RP1: variants seen among roughly 807,000 people sequenced by gnomAD.
RP1 encodes the protein oxygen-regulated protein 1.
A neutral mutation model predicts 14.8 loss-of-function variants in RP1; 16 were observed. The ratio of observed to expected loss-of-function variants is 1.08; its 90% CI spans 0.73 to 1.65. RP1 has a LOEUF of 1.65. Among genes scored for constraint, RP1 ranks in the 40% most tolerant of loss-of-function variants. The pLI is 0.00. For missense variants in RP1, 2,631 were observed against 2,535.0 expected (o/e 1.04, Z -0.81); for synonymous variants, 876 against 883.6 (o/e 0.99, Z 0.15).
In RP1 at chr8:54,758,838, G is replaced by A. The variant is rs1044029945; in HGVS notation, c.3094-84G>A. On this transcript the variant is annotated intron_variant, in intron 21 of 22. Transcript: ENST00000636932. Reference sequence around the variant, plus strand: ...AAGTATTGTGCTGCTTCTGGCAGTCGTTTAACTATTATTATTGCCTGCATT... The same window carrying A: ...AAGTATTGTGCTGCTTCTGGCAGTCATTTAACTATTATTATTGCCTGCATT... 5 of 1,391,714 alleles carry A rather than the reference G, an allele frequency of 3.6e-6. No homozygotes were observed. The East Asian group carries it at 7.5e-5, about 21-fold the overall frequency. 86.2% of individuals were successfully genotyped at this position (1,391,714 alleles called of 1,614,324 possible).
intron 15 of RP1, among the ~76,000 whole-genome samples, chr8:54,713,419 T>C (rs1454281183): frequency 6.6e-6 from 1 of 152,088 alleles, no homozygotes; most frequent in East Asian, 1.9e-4. Context: ...AAAAAAGATG[T>C]AGGAATTGTA....
chr8:54,794,461 G>A (rs1810536557), intron 24 of RP1, among the ~76,000 whole-genome samples: 1 of 151,900 alleles, frequency 6.6e-6, no homozygotes, highest in Admixed American at 6.6e-5. Context: ...GTCAATATTT[G>A]ACAAGGGCAC....
chr8:54,591,516 G>C (rs16920564), intron 1 of RP1, among the ~76,000 whole-genome samples: 30,495 of 151,938 alleles, frequency 0.2, 3,529 homozygotes, highest in East Asian at 0.36. Flanking sequence ...AAACTGAGTG[G>C]CCTTATCACC....
At chr8:54,807,675 T>TCTATC (rs1810889429) in intron 24 of RP1, among the ~76,000 whole-genome samples, 5 of 113,646 alleles carry the variant, frequency 4.4e-5, no homozygotes, top group African/African-American at 1.5e-4. Context: ...TCTATCTATC[T>TCTATC]ATTTATCTAT....
At chr8:54,578,102 C>G (rs1367528413) in intron 1 of RP1, among the ~76,000 whole-genome samples, 3 of 152,106 alleles carry the variant, frequency 2.0e-5, no homozygotes, top group East Asian at 3.9e-4. Flanking sequence ...TCCCTCCTCC[C>G]CCGACCCCAC....
intron 26 of RP1, among the ~76,000 whole-genome samples, chr8:54,854,093 T>G (rs986637028): frequency 6.6e-6 from 1 of 152,196 alleles, no homozygotes; most frequent in Non-Finnish European, 1.5e-5. Context: ...GTCTAATGGA[T>G]CTGCAGTTTT....
At chr8:54,737,440 C>T (rs1362609903) in intron 18 of RP1, among the ~76,000 whole-genome samples, 1 of 152,164 alleles carries the variant, frequency 6.6e-6, no homozygotes, top group East Asian at 1.9e-4. Context: ...CACTTAAGTG[C>T]TAATAGATTC....
At chr8:54,735,255 A>G (rs1304525371) in intron 18 of RP1, among the ~76,000 whole-genome samples, 1 of 152,090 alleles carries the variant, frequency 6.6e-6, no homozygotes, top group East Asian at 1.9e-4. Flanking sequence ...GCCCATGCCC[A>G]TTTCTAATTT....
chr8:54,808,529 T>C (rs1361567107), intron 24 of RP1, among the ~76,000 whole-genome samples: 1 of 152,212 alleles, frequency 6.6e-6, no homozygotes, highest in East Asian at 1.9e-4. Context: ...CTGATCTTCT[T>C]AAGAACTCTT....
chr8:54,786,902 C>T (rs920865546), intron 24 of RP1, among the ~76,000 whole-genome samples: 4 of 152,074 alleles, frequency 2.6e-5, no homozygotes, highest in African/African-American at 9.7e-5. Context: ...ATAGAAGAGC[C>T]ACCATCCAAG....
chr8:54,569,254 C>T (rs912463566), intron 1 of RP1, among the ~76,000 whole-genome samples: 1 of 152,168 alleles, frequency 6.6e-6, no homozygotes, highest in African/African-American at 2.4e-5. Flanking sequence ...CCCACTCTGA[C>T]CGAGAGGCCT....
chr8:54,749,033 A>G (rs1002762774), intron 19 of RP1, among the ~76,000 whole-genome samples: 3 of 152,142 alleles, frequency 2.0e-5, no homozygotes, highest in African/African-American at 7.2e-5. Flanking sequence ...CTCTGGTTCT[A>G]TATCATTTCT....
intron 6 of RP1, among the ~76,000 whole-genome samples, chr8:54,657,155 A>AT (rs1447724082): frequency 6.6e-6 from 1 of 152,066 alleles, no homozygotes; most frequent in Admixed American, 6.5e-5. Flanking sequence ...ATTCATAAGT[A>AT]TTTTTTTCAC....
chr8:54,763,951 G>A (rs1404339296), intron 22 of RP1, among the ~76,000 whole-genome samples: 3 of 151,728 alleles, frequency 2.0e-5, no homozygotes, highest in African/African-American at 2.4e-5. Flanking sequence ...TATCTCCTTT[G>A]TGCAAAGTAT....
intron 1 of RP1, among the ~76,000 whole-genome samples, chr8:54,601,954 C>T (rs1017805581): frequency 2.6e-5 from 4 of 152,012 alleles, no homozygotes; most frequent in Non-Finnish European, 5.9e-5. Flanking sequence ...GGTACAGTTT[C>T]TTTCTTTCTT....
At chr8:54,685,144 A>G (rs1300066054) in intron 12 of RP1, among the ~76,000 whole-genome samples, 1 of 151,946 alleles carries the variant, frequency 6.6e-6, no homozygotes, top group Non-Finnish European at 1.5e-5. Flanking sequence ...AGGGTTTTTT[A>G]TGTCTCTGTC....
intron 3 of RP1, among the ~76,000 whole-genome samples, chr8:54,646,559 G>GT (rs1227369987): frequency 2.0e-5 from 3 of 152,140 alleles, no homozygotes; most frequent in Non-Finnish European, 4.4e-5. Context: ...CGATTGAAAT[G>GT]TAAGTTATAA....
rs964250202 is a variant in RP1 at position 54,629,711 on chromosome 8, T to C, written c.5829T>C (p.Ile1943=). Residue 1943 remains isoleucine, a synonymous_variant, in exon 4 of 4, where the codon ATT becomes ATC. Transcript: ENST00000220676. ...TTGCATATCGCAAAGAATCTGATAT[T>C]GAAAATTTCTTGGGTTTTTATTTAT... is the stretch of plus-strand genomic sequence containing the variant. ...RGFAYRKESD[I]ENFLGFYLWM... 2.5e-6 allele frequency: 4 copies of C among 1,612,214 alleles called. No individual in the cohort carries two copies. The highest frequency in any genetic ancestry group is 8.5e-7 in the Non-Finnish European group (1 of 1,179,208).
intron 12 of RP1, among the ~76,000 whole-genome samples, chr8:54,681,044 C>T (rs1807416132): frequency 6.6e-6 from 1 of 152,008 alleles, no homozygotes; most frequent in South Asian, 2.1e-4. Context: ...ATTCTTTAGA[C>T]ATTTTCCTTA....
Sources: gnomAD v4.1 joint callset for allele counts (sites outside exome capture counted in the v4.1 genomes callset) on GRCh38, gnomAD v4.1.1 for gene constraint, MANE v1.5 for transcripts, NCBI Gene and HGNC (gene_info 2026-07-23, HGNC 2026-07-21) for gene names.